ABI1: variants seen among roughly 807,000 people sequenced by gnomAD.
ABI1 encodes the protein Abelson interactor 1.
A neutral mutation model predicts 54.6 loss-of-function variants in ABI1; 14 were observed. The observed-to-expected ratio is 0.26, with a 90% CI of 0.17 to 0.40. The LOEUF (loss-of-function observed/expected upper bound fraction) is 0.40, where lower values mean the gene tolerates loss of function less well. Among genes scored for constraint, ABI1 ranks in the 10% least tolerant of loss-of-function variants. ABI1 has a pLI of 1.00. For missense variants in ABI1, 443 were observed against 598.3 expected (o/e 0.74, Z 2.71); for synonymous variants, 194 against 209.3 (o/e 0.93, Z 0.63).
chr10:26,771,266 T>A (rs779389772), intron 3 of ABI1, among the ~76,000 whole-genome samples, 177 bp from the exon 4 acceptor site: 2 of 152,214 alleles, frequency 1.3e-5, no homozygotes, highest in South Asian at 2.1e-4. Flanking sequence ...GAAATACTCA[T>A]GTGTTTCATG....
At chr10:26,819,464 G>A (rs1323942070) in intron 2 of ABI1, among the ~76,000 whole-genome samples, 2 of 152,128 alleles carry the variant, frequency 1.3e-5, no homozygotes, top group African/African-American at 4.8e-5. Context: ...AAGAAAAATA[G>A]ACATTCAGAA....
chr10:26,819,934 A>C (rs2047856805), intron 2 of ABI1, among the ~76,000 whole-genome samples: 1 of 152,244 alleles, frequency 6.6e-6, no homozygotes, highest in Admixed American at 6.5e-5. Context: ...GCGCAGACAG[A>C]CAAACCCTGA....
chr10:26,784,288 A>G (rs951634881), intron 2 of ABI1, among the ~76,000 whole-genome samples: 1 of 152,208 alleles, frequency 6.6e-6, no homozygotes, highest in East Asian at 1.9e-4. Context: ...CACGTGAAAC[A>G]CCTGTCCATA....
At chr10:26,770,391 T>C in intron 4 of ABI1, 46 bp from the exon 5 acceptor site, 2 of 1,535,246 alleles carry the variant, frequency 1.3e-6, no homozygotes, top group Non-Finnish European at 1.8e-6. Flanking sequence ...CAAATTGTTC[T>C]CCTGGTGTTT....
At chr10:26,813,231 A>G (rs2047350891) in intron 2 of ABI1, among the ~76,000 whole-genome samples, 2 of 151,594 alleles carry the variant, frequency 1.3e-5, no homozygotes, top group Non-Finnish European at 2.9e-5. Flanking sequence ...CCTGGGCCAC[A>G]GAGCAAGATT....
chr10:26,857,630 C>T (rs1275849877), intron 1 of ABI1, among the ~76,000 whole-genome samples: 1 of 127,248 alleles, frequency 7.9e-6, no homozygotes, highest in Non-Finnish European at 1.6e-5. Flanking sequence ...AGCAACAGAG[C>T]AAGACTGTGT....
chr10:26,819,234 C>G (rs570246673), intron 2 of ABI1, among the ~76,000 whole-genome samples: 1 of 152,186 alleles, frequency 6.6e-6, no homozygotes, highest in South Asian at 2.1e-4. Flanking sequence ...AAATTCACTC[C>G]ATTAACACAC....
intron 2 of ABI1, among the ~76,000 whole-genome samples, chr10:26,784,470 G>A (rs1842489696): frequency 6.6e-6 from 1 of 151,828 alleles, no homozygotes; most frequent in South Asian, 2.1e-4. Context: ...AGGCTTACCA[G>A]CCATCAGGGA....
At chr10:26,801,321 C>T (rs754791354) in intron 2 of ABI1, among the ~76,000 whole-genome samples, 11 of 152,010 alleles carry the variant, frequency 7.2e-5, no homozygotes, top group African/African-American at 1.2e-4. Flanking sequence ...CCAAGGCAGG[C>T]GGATCACTTG....
At chr10:26,838,899 G>A (rs1315734558) in intron 1 of ABI1, among the ~76,000 whole-genome samples, 1 of 152,172 alleles carries the variant, frequency 6.6e-6, no homozygotes, top group Non-Finnish European at 1.5e-5. Context: ...ATGCCACACT[G>A]CCTCCATTTA....
At chr10:26,802,963 G>A (rs1201957862) in intron 2 of ABI1, among the ~76,000 whole-genome samples, 1 of 152,202 alleles carries the variant, frequency 6.6e-6, no homozygotes, top group Non-Finnish European at 1.5e-5. Context: ...GGAAAGCATA[G>A]ATCAGGAAGA....
chr10:26,804,022 T>C (rs2046726318), intron 2 of ABI1, among the ~76,000 whole-genome samples: 1 of 152,034 alleles, frequency 6.6e-6, no homozygotes, highest in African/African-American at 2.4e-5. Flanking sequence ...TTCTATTATA[T>C]TAAGAACAAA....
intron 2 of ABI1, among the ~76,000 whole-genome samples, chr10:26,809,532 T>C (rs2047091613): frequency 6.6e-6 from 1 of 152,040 alleles, no homozygotes; most frequent in African/African-American, 2.4e-5. Context: ...CACACCAATC[T>C]AGGTGACAGA....
At chr10:26,805,877 A>T (rs1010197283) in intron 2 of ABI1, among the ~76,000 whole-genome samples, 1 of 152,202 alleles carries the variant, frequency 6.6e-6, no homozygotes, top group African/African-American at 2.4e-5. Context: ...GCACAACACA[A>T]TTAGCCTCAG....
At chr10:26,850,657 CAAAAAA>C in intron 1 of ABI1, among the ~76,000 whole-genome samples, 1 of 101,520 alleles carries the variant, frequency 9.9e-6, no homozygotes, top group Non-Finnish European at 2.2e-5. Flanking sequence ...GACTCCGTCT[CAAAAAA>C]AAAAAAAAAA....
intron 1 of ABI1, among the ~76,000 whole-genome samples, chr10:26,857,471 T>C (rs1395418190): frequency 6.7e-6 from 1 of 149,998 alleles, no homozygotes; most frequent in Non-Finnish European, 1.5e-5. Flanking sequence ...CAAAACCCCA[T>C]CTCTACAAAA....
intron 9 of ABI1, among the ~76,000 whole-genome samples, chr10:26,754,553 G>A (rs1024208766): frequency 2.0e-5 from 3 of 152,138 alleles, no homozygotes; most frequent in African/African-American, 4.8e-5. Flanking sequence ...AGTCTGGCAC[G>A]TAACATCGGG....
At chr10:26,837,317 G>A (rs1460740275) in intron 1 of ABI1, among the ~76,000 whole-genome samples, 1 of 152,178 alleles carries the variant, frequency 6.6e-6, no homozygotes, top group Non-Finnish European at 1.5e-5. Context: ...GGCAGAGAGA[G>A]ACCAATCTCT....
intron 2 of ABI1, among the ~76,000 whole-genome samples, chr10:26,783,905 G>C (rs191325829): frequency 1.3e-5 from 2 of 152,130 alleles, no homozygotes; most frequent in East Asian, 1.9e-4. Flanking sequence ...TGTCACTCTT[G>C]CACCTGGCCC....
Sources: gnomAD v4.1 joint callset for allele counts (sites outside exome capture counted in the v4.1 genomes callset) on GRCh38, gnomAD v4.1.1 for gene constraint, MANE v1.5 for transcripts, NCBI Gene and HGNC (gene_info 2026-07-23, HGNC 2026-07-21) for gene names.